Variants in CNTNAP2 observed in about 807,000 individuals in gnomAD.
The protein encoded by CNTNAP2 is contactin associated protein 2.
A neutral mutation model predicts 155.2 loss-of-function variants in CNTNAP2; 98 were observed. That is an observed-to-expected ratio of 0.63 (90% confidence interval 0.54 to 0.75). CNTNAP2 has a LOEUF of 0.75. Among genes scored for constraint, CNTNAP2 ranks in the 30% least tolerant of loss-of-function variants. The pLI is 0.00. For synonymous variants in CNTNAP2, 651 were observed against 631.2 expected (o/e 1.03, Z -0.47); for missense variants, 1,727 against 1,688.1 (o/e 1.02, Z -0.40).
chr7:146,172,032 A>ATTTTTTTTTTT (rs61619996), intron 1 of CNTNAP2, among the ~76,000 whole-genome samples: 29 of 67,628 alleles, frequency 4.3e-4, no homozygotes, highest in East Asian at 1.1e-3. Flanking sequence ...TGCTCTTAGT[A>ATTTTTTTTTTT]TTTTTTTTTT....
At chr7:147,280,791 A>T (rs879544297) in intron 8 of CNTNAP2, among the ~76,000 whole-genome samples, 2 of 151,980 alleles carry the variant, frequency 1.3e-5, no homozygotes, top group Admixed American at 6.6e-5. Context: ...AGCGAGTGGG[A>T]AGTATAAATC....
intron 3 of CNTNAP2, among the ~76,000 whole-genome samples, chr7:146,978,589 C>T (rs980852627): frequency 6.7e-6 from 1 of 149,114 alleles, no homozygotes; most frequent in Non-Finnish European, 1.5e-5. Flanking sequence ...TCTCTCTCTC[C>T]CTCTCTCTAG....
At chr7:148,152,009 A>G (rs1049295809) in intron 17 of CNTNAP2, among the ~76,000 whole-genome samples, 3 of 152,178 alleles carry the variant, frequency 2.0e-5, no homozygotes, top group African/African-American at 7.2e-5. Flanking sequence ...AAGGGCTTTC[A>G]TACAAATTAA....
chr7:148,172,505 A>T (rs1434807451), intron 18 of CNTNAP2, 27 bp downstream of exon 18: 1 of 1,588,818 alleles, frequency 6.3e-7, no homozygotes, highest in East Asian at 2.2e-5. Context: ...TTCCAGAGCC[A>T]CTTTTGCGTG....
At chr7:148,082,112 TTAAAGAA>T (rs1158575665) in intron 15 of CNTNAP2, among the ~76,000 whole-genome samples, 2 of 152,042 alleles carry the variant, frequency 1.3e-5, no homozygotes, top group Non-Finnish European at 2.9e-5. Flanking sequence ...AGGCCGGCTT[TTAAAGAA>T]GGGCATTGCA....
In CNTNAP2 at chr7:147,118,504, C is replaced by A. The variant is rs573160039; in HGVS notation, c.755-2475C>A. On this transcript the variant is annotated intron_variant, in intron 5 of 23. Transcript: ENST00000361727. ...ATACAAAATGTATCAATCTATCGATCTAATTAAATATATGCAGTCATGTGT... is the reference window on the plus strand; with the variant it reads ...ATACAAAATGTATCAATCTATCGATATAATTAAATATATGCAGTCATGTGT... Among the ~76,000 whole-genome samples, 14 of 152,226 alleles carry A rather than the reference C, an allele frequency of 9.2e-5. No homozygotes were observed. In the East Asian group the frequency reaches 1.9e-3, roughly 21 times the overall value.
At chr7:146,635,931 G>A (rs2129159882) in intron 1 of CNTNAP2, among the ~76,000 whole-genome samples, 1 of 152,178 alleles carries the variant, frequency 6.6e-6, no homozygotes, top group Non-Finnish European at 1.5e-5. Flanking sequence ...GAAAAAGGAG[G>A]GACTGTTCCA....
intron 21 of CNTNAP2, among the ~76,000 whole-genome samples, chr7:148,359,771 A>G (rs1294888385): frequency 6.6e-6 from 1 of 152,222 alleles, no homozygotes; most frequent in Non-Finnish European, 1.5e-5. Context: ...GAATTTCACT[A>G]GCTGCGGAGA....
intron 10 of CNTNAP2, among the ~76,000 whole-genome samples, chr7:147,417,086 T>C (rs1441401602): frequency 1.3e-5 from 1 of 78,672 alleles, no homozygotes; most frequent in African/African-American, 6.0e-5. Context: ...AAGACTCTGG[T>C]CTCAAAAAAA....
At chr7:146,124,408 AGACT>A (rs1405700502) in intron 1 of CNTNAP2, among the ~76,000 whole-genome samples, 1 of 152,232 alleles carries the variant, frequency 6.6e-6, no homozygotes, top group Non-Finnish European at 1.5e-5. Context: ...ACATAAGTAC[AGACT>A]GTCTATATAT....
At chr7:146,652,138 C>G (rs1253816837) in intron 1 of CNTNAP2, among the ~76,000 whole-genome samples, 1 of 152,024 alleles carries the variant, frequency 6.6e-6, no homozygotes, top group African/African-American at 2.4e-5. Context: ...AAGTTAAATT[C>G]AGTTATTAAA....
At chr7:147,386,236 A>G (rs1796623979) in intron 9 of CNTNAP2, among the ~76,000 whole-genome samples, 2 of 152,146 alleles carry the variant, frequency 1.3e-5, no homozygotes, top group African/African-American at 4.8e-5. Flanking sequence ...AAGTTCTGAC[A>G]TGCCCTGGAG....
intron 4 of CNTNAP2, chr7:147,081,124 A>G (rs943138097): frequency 1.3e-5 from 2 of 152,162 alleles, no homozygotes; most frequent in Admixed American, 6.5e-5. Flanking sequence ...AGAAGGTGCA[A>G]TATTCACAAA....
rs776397522 is a variant in CNTNAP2, at chr7:148,416,768, ATC to A, written c.*1153_*1154del. On this transcript the variant is annotated 3_prime_UTR_variant, in exon 24 of 24. Coordinates refer to ENST00000361727, the MANE Select transcript of CNTNAP2 (RefSeq NM_014141.6). ...ACTACTCCACGTGTTTTTCCATCCA[ATC>A]ACACTGCTGTGATTCAGGGATCTTT... The A allele has an allele frequency of 1.1e-4, 16 of 150,784 alleles. No homozygotes were observed. In the East Asian group the frequency reaches 2.5e-3, roughly 24 times the overall value. The allele number at this position is 150,784 out of a possible 1,614,324, so 9.3% of individuals were successfully genotyped here.
intron 4 of CNTNAP2, among the ~76,000 whole-genome samples, chr7:147,062,202 C>A (rs565745055): frequency 8.2e-6 from 1 of 121,320 alleles, no homozygotes; most frequent in African/African-American, 3.1e-5. Flanking sequence ...AAAATTAAAA[C>A]CATAGACAGT....
At chr7:147,395,497 A>G in intron 9 of CNTNAP2, 112 bp from the exon 10 acceptor site, 1 of 1,048,586 alleles carries the variant, frequency 9.5e-7, no homozygotes, top group Non-Finnish European at 1.5e-6. Context: ...AGCAAGGATT[A>G]AAGAAACAGT....
chr7:146,965,786 A>G (rs1797646024), intron 3 of CNTNAP2, among the ~76,000 whole-genome samples: 1 of 152,224 alleles, frequency 6.6e-6, no homozygotes, highest in South Asian at 2.1e-4. Context: ...ACTAAGAATT[A>G]GACACATCAT....
At chr7:146,163,071 G>A (rs969994371) in intron 1 of CNTNAP2, among the ~76,000 whole-genome samples, 4 of 152,088 alleles carry the variant, frequency 2.6e-5, no homozygotes, top group Non-Finnish European at 5.9e-5. Context: ...ACCAGTTAAC[G>A]GGTGCAGCAC....
chr7:147,401,535 CTAAA>C (rs1796912355), intron 10 of CNTNAP2, among the ~76,000 whole-genome samples: 2 of 151,908 alleles, frequency 1.3e-5, no homozygotes, highest in African/African-American at 4.8e-5. Context: ...TATCTCAAAA[CTAAA>C]TTGACTCTGT....
Sources: allele counts gnomAD v4.1 joint callset (sites outside exome capture counted in the v4.1 genomes callset), GRCh38; gene constraint gnomAD v4.1.1; transcripts MANE v1.5; gene names NCBI Gene and HGNC (gene_info 2026-07-23, HGNC 2026-07-21).